FAM83F: variants seen among roughly 807,000 people sequenced by gnomAD.
FAM83F encodes the protein scaffolding CK1 anchoring protein F.
FAM83F carries 45 observed loss-of-function variants against 42.9 expected under a neutral mutation model. That is an observed-to-expected ratio of 1.05 (90% confidence interval 0.83 to 1.35). The LOEUF is 1.35. FAM83F is among the 40% of genes most tolerant of loss of function. FAM83F has a pLI of 0.00. For synonymous variants in FAM83F, 306 were observed against 298.3 expected (o/e 1.03, Z -0.27); for missense variants, 617 against 695.9 (o/e 0.89, Z 1.28).
Position 39,995,595 on chromosome 22 carries a change from C to G in FAM83F, c.489+64C>G. 6 of 1,462,782 alleles carry G rather than the reference C, an allele frequency of 4.1e-6. No individual in the cohort carries two copies. Among genetic ancestry groups the G allele is most frequent in the Non-Finnish European group, 5.4e-6 (6 of 1,104,006 alleles). 90.6% of individuals were successfully genotyped at this position (1,462,782 alleles called of 1,614,324 possible). On this transcript the variant is annotated intron_variant, in intron 1 of 4. Coordinates refer to ENST00000333407, the MANE Select transcript of FAM83F (RefSeq NM_138435.4). The surrounding 1 kb of genome is among the most constrained non-coding windows in gnomAD (Gnocchi z 4.6). Reference sequence around the variant, plus strand: ...GGCCCCAGTCCCCTGGACCGGGCCCCACCTCCCAGGCAGGGCCCGGGGCAG... The same window carrying G: ...GGCCCCAGTCCCCTGGACCGGGCCCGACCTCCCAGGCAGGGCCCGGGGCAG...
chr22:40,041,690 CTGTT>C lies in FAM83F; in HGVS notation c.*12130_*12133del, dbSNP rs2067650958. The C allele has an allele frequency of 6.6e-6, 1 of 152,214 alleles. No individual in the cohort carries two copies. Among genetic ancestry groups the C allele is most frequent in the South Asian group, 2.1e-4 (1 of 4,836 alleles). The allele number at this position is 152,214 out of a possible 1,614,324, so 9.4% of individuals were successfully genotyped here. A position where few individuals can be genotyped will look rare whatever the true frequency, so the allele number is the denominator to read the frequency against. The stretch of plus-strand genomic sequence containing the variant: ...AGAAAAGACCCTGAACCACATCCCA[CTGTT>C]TGTTGGAAGAAGAAACTCATTTGTG... On this transcript the variant is annotated 3_prime_UTR_variant, in exon 5 of 5. Transcript: ENST00000333407.
At position 40,024,256 on chromosome 22, in the gene FAM83F, C is replaced by T. The variant is rs141608140; in HGVS notation, c.1453+2293C>T. ...GTGATCCTCCTACCTCTGGGCCTCC[C>T]AAAGCGCTGGGATTATAGGCACAAG... On this transcript the variant is annotated intron_variant, in intron 4 of 4. Coordinates refer to ENST00000333407, the MANE Select transcript of FAM83F (RefSeq NM_138435.4). Among the ~76,000 whole-genome samples the T allele has an allele frequency of 6.7e-3, 1,024 of 152,272 alleles. 47 individuals carry two copies. Among genetic ancestry groups the T allele is most frequent in the Admixed American group, 0.062 (945 of 15,302 alleles).
intron 1 of FAM83F, among the ~76,000 whole-genome samples, chr22:40,009,221 C>T (rs1049967893): frequency 2.0e-5 from 3 of 152,296 alleles, no homozygotes; most frequent in Admixed American, 1.3e-4. Context: ...TCCCTAGCTG[C>T]TTCCCTTCCT....
chr22:40,010,393 A>G (rs1268245446), intron 1 of FAM83F, among the ~76,000 whole-genome samples: 3 of 152,174 alleles, frequency 2.0e-5, no homozygotes, highest in Admixed American at 6.5e-5. Flanking sequence ...GCGGAGGGTA[A>G]TTATCACTTC....
intron 1 of FAM83F, among the ~76,000 whole-genome samples, chr22:40,000,368 G>A (rs1186396151): frequency 6.6e-6 from 1 of 152,162 alleles, no homozygotes; most frequent in African/African-American, 2.4e-5. Context: ...GGAGGATATG[G>A]TGAACAGCTG....
chr22:40,029,856 C>A lies in FAM83F; in HGVS notation c.*291C>A, dbSNP rs1303319932. 2.7e-6 allele frequency: 1 copy of A among 364,914 alleles called. No homozygotes were observed. The highest frequency in any genetic ancestry group is 2.1e-5 in the African/African-American group (1 of 48,348). 22.6% of individuals were successfully genotyped at this position (364,914 alleles called of 1,614,324 possible). On this transcript the variant is annotated 3_prime_UTR_variant, in exon 5 of 5. Coordinates refer to ENST00000333407, the MANE Select transcript of FAM83F (RefSeq NM_138435.4). ...AGTGTCTGCTCGCCTTTGTGCCCCA[C>A]CCCCTCCGCTGATTGCCAGATGGGG...
At chr22:40,017,192 G>A (rs1392664434) in intron 1 of FAM83F, among the ~76,000 whole-genome samples, 3 of 150,830 alleles carry the variant, frequency 2.0e-5, no homozygotes, top group African/African-American at 7.3e-5. Flanking sequence ...CTGATTGAGC[G>A]TACCTGGTGG....
intron 1 of FAM83F, among the ~76,000 whole-genome samples, chr22:40,014,961 C>T (rs1461288542): frequency 2.0e-5 from 3 of 152,130 alleles, no homozygotes. Flanking sequence ...AGAAAATTTA[C>T]CTAAAGCACA....
At position 40,021,787 on chromosome 22, in the gene FAM83F, A is replaced by G. The variant is rs2067523806; in HGVS notation, c.1277A>G (p.Glu426Gly). 1.2e-6 allele frequency: 2 copies of G among 1,612,382 alleles called. No individual in the cohort carries two copies. Among genetic ancestry groups the G allele is most frequent in the Non-Finnish European group, 1.7e-6 (2 of 1,179,666 alleles). ...REAPSRNGMG[E>G]AARGEAAPAR... The stretch of plus-strand genomic sequence containing the variant: ...GCACCCAGCCGAAACGGCATGGGAG[A>G]AGCGGCCCGGGGGGAGGCCGCCCCC... Residue 426 changes from glutamate (E) to glycine (G), a missense_variant, in exon 4 of 5, where the codon GAA becomes GGA. Coordinates refer to ENST00000333407, the MANE Select transcript of FAM83F (RefSeq NM_138435.4). The surrounding 1 kb of genome is among the most constrained non-coding windows in gnomAD (Gnocchi z 8.7).
rs2067609828 is a variant in FAM83F, at chr22:40,034,512, G to A, written c.*4947G>A. The A allele has an allele frequency of 6.6e-6, 1 of 152,348 alleles. No individual in the cohort carries two copies. 9.4% of individuals were successfully genotyped at this position (152,348 alleles called of 1,614,324 possible). A position where few individuals can be genotyped will look rare whatever the true frequency, so the allele number is the denominator to read the frequency against. ...GCTTCTGCTCTCCCAGCTAGGGACTGAGGAAAGCCCTGCTTCTAGATGCCA... is the reference window on the plus strand; with the variant it reads ...GCTTCTGCTCTCCCAGCTAGGGACTAAGGAAAGCCCTGCTTCTAGATGCCA... On this transcript the variant is annotated 3_prime_UTR_variant, in exon 5 of 5. Transcript: ENST00000333407.
chr22:40,029,451 C>A (rs1473321449), intron 4 of FAM83F, 65 bp from the exon 5 acceptor site: 3 of 1,556,868 alleles, frequency 1.9e-6, no homozygotes, highest in Non-Finnish European at 2.6e-6. Context: ...AGGGTAGGAA[C>A]TGAAGCTGAA....
chr22:39,999,989 T>C (rs1206683001), intron 1 of FAM83F, among the ~76,000 whole-genome samples: 2 of 152,192 alleles, frequency 1.3e-5, no homozygotes, highest in East Asian at 1.9e-4. Flanking sequence ...CCCTCCTGGA[T>C]TGGGAACTTT....
At position 40,012,890 on chromosome 22, in the gene FAM83F, G is replaced by A. The variant is rs1288459618; in HGVS notation, c.490-6278G>A. On this transcript the variant is annotated intron_variant, in intron 1 of 4. Transcript: ENST00000333407. ...AGATCAAGACCATCCTGGCTAACAC[G>A]GTGAAACCCTGTCTCTACTAAAAAT... Among the ~76,000 whole-genome samples, 7 of 150,218 alleles carry A rather than the reference G, an allele frequency of 4.7e-5. No homozygotes were observed. In the South Asian group the frequency reaches 8.4e-4, roughly 18 times the overall value.
chr22:40,029,734 C>T lies in FAM83F; in HGVS notation c.*169C>T. On this transcript the variant is annotated 3_prime_UTR_variant, in exon 5 of 5. Transcript: ENST00000333407. ...GACGCTGGATCCCAAATGAGAGGGT[C>T]CGAAGCATCTCAGTCACACGCCTCC... 1.0e-6 allele frequency: 1 copy of T among 967,032 alleles called. No individual in the cohort carries two copies. Among genetic ancestry groups the T allele is most frequent in the Non-Finnish European group, 1.5e-6 (1 of 671,036 alleles). The allele number at this position is 967,032 out of a possible 1,614,324, so 59.9% of individuals were successfully genotyped here.
At position 39,995,948 on chromosome 22, in the gene FAM83F, G is replaced by C. The variant is rs1379040067; in HGVS notation, c.489+417G>C. Among the ~76,000 whole-genome samples, 2 of 152,238 alleles carry C rather than the reference G, an allele frequency of 1.3e-5. No individual in the cohort carries two copies. Among genetic ancestry groups the C allele is most frequent in the African/African-American group, 2.4e-5 (1 of 41,464 alleles). On this transcript the variant is annotated intron_variant, in intron 1 of 4. Coordinates refer to ENST00000333407, the MANE Select transcript of FAM83F (RefSeq NM_138435.4). This position sits in a 1 kb window ranked among gnomAD's most constrained non-coding sequence, Gnocchi z 4.6. ...TCATGTGATCGTCAAAACAACTTCA[G>C]GGAGTGGGTGGCGGTGACCTTCCCG...
rs528465366 is a variant in FAM83F, at chr22:39,996,428, C to T, written c.489+897C>T. Among the ~76,000 whole-genome samples, 16 of 152,314 alleles carry T rather than the reference C, an allele frequency of 1.1e-4. No homozygotes were observed. The South Asian group carries it at 2.5e-3, about 24-fold the overall frequency. ...TATCCCAAACATGACATGAGACGTA[C>T]TGATACTGAAAAATTCTTCGTTGTG... On this transcript the variant is annotated intron_variant, in intron 1 of 4. Coordinates refer to ENST00000333407, the MANE Select transcript of FAM83F (RefSeq NM_138435.4).
In FAM83F at chr22:40,021,937, A is replaced by G. The variant is rs541080782; in HGVS notation, c.1427A>G (p.Asn476Ser). Residue 476 changes from asparagine (N) to serine (S), a missense_variant, in exon 4 of 5, where the codon AAC becomes AGC. Transcript: ENST00000333407. This position sits in a 1 kb window ranked among gnomAD's most constrained non-coding sequence, Gnocchi z 8.7. ...GAGTTTCTGACGGGGAAGAGGCCCAACGAGAATTCCAGTGCTGACATCTCA... is the reference window on the plus strand; with the variant it reads ...GAGTTTCTGACGGGGAAGAGGCCCAGCGAGAATTCCAGTGCTGACATCTCA... ...EVEFLTGKRP[N>S]ENSSADISGK... 9.5e-6 allele frequency: 15 copies of G among 1,571,366 alleles called. No homozygotes were observed. Among genetic ancestry groups the G allele is most frequent in the South Asian group, 2.3e-5 (2 of 87,758 alleles).
intron 1 of FAM83F, chr22:40,009,594 G>C (rs1470288863): frequency 6.5e-6 from 1 of 152,886 alleles, no homozygotes; most frequent in East Asian, 1.9e-4. Context: ...CCCGGGGTGG[G>C]GCCTGCTGGA....
intron 4 of FAM83F, among the ~76,000 whole-genome samples, chr22:40,027,965 C>T (rs2067564274): frequency 6.6e-6 from 1 of 151,992 alleles, no homozygotes. Flanking sequence ...GAGGAACTGA[C>T]ATCTGCTTAG....
Sources: allele counts gnomAD v4.1 joint callset (sites outside exome capture counted in the v4.1 genomes callset), GRCh38; gene constraint gnomAD v4.1.1; non-coding constraint Gnocchi (gnomAD v3.1); transcripts MANE v1.5; gene names NCBI Gene and HGNC (gene_info 2026-07-23, HGNC 2026-07-21).